Variants in EHBP1 observed in about 807,000 individuals in gnomAD.
The protein encoded by EHBP1 is EH domain binding protein 1.
A neutral mutation model predicts 144.0 loss-of-function variants in EHBP1; 55 were observed. The observed-to-expected ratio is 0.38, with a 90% CI of 0.31 to 0.48. The LOEUF is 0.48. Among genes scored for constraint, EHBP1 ranks in the 20% least tolerant of loss-of-function variants. The probability of loss-of-function intolerance (pLI) is 0.98; values close to 1 mark genes in which losing one functional copy is unlikely to be tolerated. For missense variants in EHBP1, 1,200 were observed against 1,364.2 expected (o/e 0.88, Z 1.90); for synonymous variants, 469 against 472.7 (o/e 0.99, Z 0.10).
intron 2 of EHBP1, among the ~76,000 whole-genome samples, chr2:62,724,976 G>GCACCTA (rs2036609582): frequency 6.6e-6 from 1 of 152,142 alleles, no homozygotes; most frequent in African/African-American, 2.4e-5. Flanking sequence ...ATAAAGATTG[G>GCACCTA]GGACTGCTGA....
chr2:62,901,913 C>T (rs1280623734), intron 10 of EHBP1, among the ~76,000 whole-genome samples: 2 of 151,366 alleles, frequency 1.3e-5, no homozygotes, highest in African/African-American at 2.4e-5. Flanking sequence ...TGCAGTGAGC[C>T]GTGACTGTGC....
intron 10 of EHBP1, among the ~76,000 whole-genome samples, chr2:62,927,093 GA>G (rs755613416): frequency 6.6e-6 from 1 of 152,146 alleles, no homozygotes; most frequent in Non-Finnish European, 1.5e-5. Flanking sequence ...GCCAGGAAAA[GA>G]AAGTTAAACA....
Position 62,685,547 on chromosome 2 carries a change from G to A in EHBP1, c.-296+11464G>A, listed in dbSNP as rs144406276. 1.7e-3 allele frequency among the ~76,000 whole-genome samples: 264 copies of A among 152,114 alleles called. 1 individual carries two copies. The highest frequency in any genetic ancestry group is 0.017 in the East Asian group (89 of 5,174). ...AAGGACGTCAGTCATATTGGACTAG[G>A]GTCCACCTGCCGACCTCATCTTAAC... On this transcript the variant is annotated intron_variant, in intron 1 of 22. Coordinates refer to the EHBP1 transcript ENST00000405015.
chr2:62,868,303 C>G (rs1418653790), intron 9 of EHBP1, among the ~76,000 whole-genome samples: 1 of 151,980 alleles, frequency 6.6e-6, no homozygotes, highest in Non-Finnish European at 1.5e-5. Flanking sequence ...TGCTTGAACC[C>G]GAGAAGTGGA....
At chr2:62,806,270 C>T (rs2044457960) in intron 5 of EHBP1, among the ~76,000 whole-genome samples, 1 of 152,122 alleles carries the variant, frequency 6.6e-6, no homozygotes, top group Admixed American at 6.6e-5. Context: ...AGGCATGAGC[C>T]ACTGTGCCCA....
At chr2:62,918,338 A>T (rs1444904516) in intron 10 of EHBP1, among the ~76,000 whole-genome samples, 1 of 152,202 alleles carries the variant, frequency 6.6e-6, no homozygotes, top group Non-Finnish European at 1.5e-5. Context: ...TGAGGCACTT[A>T]TAGAGCCCAA....
intron 1 of EHBP1, among the ~76,000 whole-genome samples, chr2:62,676,326 T>G (rs10181359): frequency 0.42 from 64,489 of 152,122 alleles, 14,097 homozygotes; most frequent in East Asian, 0.69. Context: ...AATATTTCAT[T>G]TGGCTTTTAA....
chr2:63,022,137 T>G (rs1261468845), intron 19 of EHBP1, among the ~76,000 whole-genome samples: 2 of 152,154 alleles, frequency 1.3e-5, no homozygotes, highest in African/African-American at 4.8e-5. Context: ...TGACCCTTGT[T>G]AGGTCCTTCA....
chr2:63,044,162 G>A (rs1210924032), intron 21 of EHBP1: 13 of 144,618 alleles, frequency 9.0e-5, no homozygotes, highest in African/African-American at 3.3e-4. Context: ...TTAAATGTTC[G>A]ATTTGGTCCT....
chr2:62,691,331 T>G (rs1054464206), intron 1 of EHBP1, among the ~76,000 whole-genome samples: 4 of 152,150 alleles, frequency 2.6e-5, no homozygotes, highest in African/African-American at 9.7e-5. Flanking sequence ...CTTATCCTCA[T>G]GGTCCAAGAT....
chr2:62,861,471 C>T (rs1354784008), intron 8 of EHBP1, among the ~76,000 whole-genome samples: 2 of 148,886 alleles, frequency 1.3e-5, no homozygotes, highest in African/African-American at 2.5e-5. Context: ...CGGCCGGGCG[C>T]GGTGGTTCAC....
At chr2:62,705,132 A>T (rs1455916812), upstream of EHBP1, among the ~76,000 whole-genome samples, 5 of 152,144 alleles carry the variant, frequency 3.3e-5, no homozygotes, top group African/African-American at 4.8e-5. Flanking sequence ...TGACAGGGTC[A>T]TTACTTCAGG....
At chr2:62,730,172 T>C (rs1289454991) in intron 2 of EHBP1, among the ~76,000 whole-genome samples, 2 of 152,130 alleles carry the variant, frequency 1.3e-5, no homozygotes, top group African/African-American at 2.4e-5. Context: ...ACAATTTTCA[T>C]ATACCCCTCA....
intron 1 of EHBP1, among the ~76,000 whole-genome samples, chr2:62,691,519 C>G (rs1182516516): frequency 6.6e-6 from 1 of 152,164 alleles, no homozygotes; most frequent in Non-Finnish European, 1.5e-5. Flanking sequence ...AAATGGCTCA[C>G]TTAGAAATTG....
intron 13 of EHBP1, among the ~76,000 whole-genome samples, chr2:62,949,582 T>C (rs1558966882): frequency 6.6e-6 from 1 of 152,188 alleles, no homozygotes; most frequent in Non-Finnish European, 1.5e-5. Flanking sequence ...AAAACAATAT[T>C]CTACTATAAA....
intron 5 of EHBP1, among the ~76,000 whole-genome samples, chr2:62,794,063 G>A (rs547000944): frequency 2.0e-5 from 3 of 151,968 alleles, no homozygotes; most frequent in South Asian, 2.1e-4. Context: ...TGTTGTCTTC[G>A]CAATTTAAGA....
intron 10 of EHBP1, among the ~76,000 whole-genome samples, chr2:62,938,164 C>T (rs1429190082): frequency 6.6e-6 from 1 of 152,170 alleles, no homozygotes; most frequent in Non-Finnish European, 1.5e-5. Context: ...AAAGAAAGAT[C>T]ACCATTATGG....
intron 10 of EHBP1, among the ~76,000 whole-genome samples, chr2:62,875,280 C>T (rs115357269): frequency 3.3e-3 from 510 of 152,292 alleles, no homozygotes; most frequent in South Asian, 8.5e-3. Context: ...CTCAGGCCCT[C>T]GAGCACAGCA....
intron 12 of EHBP1, 133 bp downstream of exon 12, chr2:62,943,983 G>T: frequency 3.6e-6 from 2 of 558,852 alleles, no homozygotes; most frequent in South Asian, 3.2e-5. Context: ...TGCTTACTGC[G>T]GTTCATTAGG....
Sources: gnomAD v4.1 joint callset for allele counts (sites outside exome capture counted in the v4.1 genomes callset) on GRCh38, gnomAD v4.1.1 for gene constraint, MANE v1.5 for transcripts, NCBI Gene and HGNC (gene_info 2026-07-23, HGNC 2026-07-21) for gene names.